ERBB4: variants seen among roughly 807,000 people sequenced by gnomAD.
ERBB4 encodes the protein receptor tyrosine-protein kinase erbB-4.
In ERBB4, 42 loss-of-function variants were observed where a neutral mutation model predicts 158.0. The observed-to-expected ratio is 0.27, with a 90% CI of 0.21 to 0.34. ERBB4 has a LOEUF of 0.34. Ranked by LOEUF, ERBB4 falls within the 10% of genes least tolerant of loss-of-function variation. The pLI is 1.00. For missense variants in ERBB4, 1,333 were observed against 1,624.1 expected (o/e 0.82, Z 3.08); for synonymous variants, 583 against 558.7 (o/e 1.04, Z -0.61).
At chr2:212,169,154 C>T (rs916475296) in intron 1 of ERBB4, among the ~76,000 whole-genome samples, 12 of 152,018 alleles carry the variant, frequency 7.9e-5, no homozygotes, top group African/African-American at 2.4e-4. Context: ...TGACCTAGGA[C>T]TTCCAATTTT....
intron 2 of ERBB4, among the ~76,000 whole-genome samples, chr2:212,089,693 G>A (rs886754185): frequency 9.2e-5 from 14 of 152,240 alleles, no homozygotes; most frequent in Admixed American, 7.2e-4. Context: ...AGAAGCAGGC[G>A]CTGGTGACAT....
At chr2:212,283,796 G>C (rs921919260) in intron 1 of ERBB4, among the ~76,000 whole-genome samples, 1 of 151,898 alleles carries the variant, frequency 6.6e-6, no homozygotes, top group Non-Finnish European at 1.5e-5. Context: ...TTACTATAGT[G>C]ACATACCACA....
chr2:212,134,168 C>T (rs1185310808), intron 1 of ERBB4, among the ~76,000 whole-genome samples: 1 of 151,458 alleles, frequency 6.6e-6, no homozygotes, highest in Non-Finnish European at 1.5e-5. Flanking sequence ...TGCAATTTAT[C>T]ATATGCTTTT....
chr2:212,526,095 A>G (rs1692432435), intron 1 of ERBB4, among the ~76,000 whole-genome samples: 1 of 152,020 alleles, frequency 6.6e-6, no homozygotes, highest in East Asian at 1.9e-4. Flanking sequence ...TATGTTACTT[A>G]TAGAAATTTA....
chr2:211,835,098 C>T (rs1243768022), intron 3 of ERBB4, among the ~76,000 whole-genome samples: 1 of 151,650 alleles, frequency 6.6e-6, no homozygotes, highest in Non-Finnish European at 1.5e-5. Context: ...CTTTTTTAAG[C>T]CCATTAAAGT....
chr2:212,151,743 G>C lies in ERBB4; in HGVS notation c.83-26840C>G, dbSNP rs932821844. ...GTCTCTACTAAAAATACAAAAACCA[G>C]CTGGGCATGGTGGCACATGCTGGTA... On this transcript the variant is annotated intron_variant, in intron 1 of 27. Transcript: ENST00000342788. Among the ~76,000 whole-genome samples the C allele has an allele frequency of 7.2e-5, 11 of 152,064 alleles. No individual in the cohort carries two copies. In the East Asian group the frequency reaches 2.1e-3, roughly 29 times the overall value.
chr2:212,518,411 C>A (rs1691959323), intron 1 of ERBB4, among the ~76,000 whole-genome samples: 1 of 151,936 alleles, frequency 6.6e-6, no homozygotes, highest in Non-Finnish European at 1.5e-5. Flanking sequence ...CTCAAAATTT[C>A]CCAAGACCCA....
At chr2:212,262,984 C>T (rs899006339) in intron 1 of ERBB4, among the ~76,000 whole-genome samples, 1 of 151,958 alleles carries the variant, frequency 6.6e-6, no homozygotes, top group Non-Finnish European at 1.5e-5. Flanking sequence ...GGAATAAGGT[C>T]AATTTGCAGA....
intron 1 of ERBB4, among the ~76,000 whole-genome samples, chr2:212,225,026 T>G (rs563527555): frequency 6.6e-6 from 1 of 152,200 alleles, no homozygotes; most frequent in South Asian, 2.1e-4. Flanking sequence ...TGAACCATTT[T>G]TTATTAAATT....
chr2:212,032,952 A>G (rs1217496870), intron 2 of ERBB4, among the ~76,000 whole-genome samples: 1 of 151,972 alleles, frequency 6.6e-6, no homozygotes, highest in Non-Finnish European at 1.5e-5. Flanking sequence ...CTGGACCAAA[A>G]AAACCCAAAA....
chr2:212,308,398 G>A (rs924311771), intron 1 of ERBB4, among the ~76,000 whole-genome samples: 2 of 150,924 alleles, frequency 1.3e-5, no homozygotes. Flanking sequence ...TGAGTCTGAG[G>A]AAACAATTTT....
chr2:211,504,149 G>A (rs1386551703), intron 20 of ERBB4, among the ~76,000 whole-genome samples: 2 of 152,034 alleles, frequency 1.3e-5, no homozygotes, highest in African/African-American at 4.8e-5. Flanking sequence ...TAGCCAGTAG[G>A]ATAAATTGCA....
At chr2:212,433,671 C>T (rs951274289) in intron 1 of ERBB4, among the ~76,000 whole-genome samples, 3 of 151,924 alleles carry the variant, frequency 2.0e-5, no homozygotes, top group Non-Finnish European at 4.4e-5. Flanking sequence ...AGAGCTATGA[C>T]TATATACACA....
intron 20 of ERBB4, among the ~76,000 whole-genome samples, chr2:211,553,933 T>C (rs1293415342): frequency 6.6e-6 from 1 of 152,224 alleles, no homozygotes; most frequent in Non-Finnish European, 1.5e-5. Flanking sequence ...AAGAAGTTCC[T>C]CCACAAATAT....
rs1443120257 is a variant in ERBB4 at position 211,383,975 on chromosome 2, G to T, written c.3567C>A (p.His1189Gln). The change falls in exon 28 of 28, where the codon CAC (histidine) becomes CAA (glutamine). Residue 1189 changes from histidine to glutamine, a missense_variant. This residue lies in a region of ERBB4 where 252 missense variants were observed against 241.3 expected (regional missense o/e 1.04). Transcript: ENST00000342788. ...CCTTGGGTGGACCATTGGATGCATT[G>T]TGATATTCGGGATTATCCAATGCTT... ...DLQALDNPEYHNASNGPPKAE... is the reference protein window; with the variant it reads ...DLQALDNPEYQNASNGPPKAE... 6 of 1,613,840 alleles carry T rather than the reference G, an allele frequency of 3.7e-6. No homozygotes were observed. The African/African-American group carries it at 8.0e-5, about 22-fold the overall frequency.
intron 3 of ERBB4, among the ~76,000 whole-genome samples, chr2:211,929,628 T>G (rs1470697904): frequency 6.6e-6 from 1 of 152,074 alleles, no homozygotes; most frequent in Non-Finnish European, 1.5e-5. Context: ...TTCCATACGG[T>G]TTTCTGTAAA....
At chr2:212,526,505 C>T (rs779748000) in intron 1 of ERBB4, among the ~76,000 whole-genome samples, 5 of 151,956 alleles carry the variant, frequency 3.3e-5, no homozygotes, top group Admixed American at 6.6e-5. Context: ...ATTCCGAATA[C>T]GTTTTTAAAG....
chr2:211,848,531 G>A (rs2077643514), intron 3 of ERBB4, among the ~76,000 whole-genome samples: 1 of 151,958 alleles, frequency 6.6e-6, no homozygotes, highest in Non-Finnish European at 1.5e-5. Flanking sequence ...TTTAGGAATT[G>A]GGAAGCAATA....
At position 211,673,182 on chromosome 2, in the gene ERBB4, G is replaced by C. The variant is rs1378183939; in HGVS notation, c.1698C>G (p.Leu566=). The C allele has an allele frequency of 3.1e-6, 5 of 1,612,814 alleles. No individual in the cohort carries two copies. The highest frequency in any genetic ancestry group is 2.2e-5 in the South Asian group (2 of 91,040). Residue 566 remains leucine, a synonymous_variant, in exon 14 of 28, where the codon CTC becomes CTG. Coordinates refer to ENST00000342788, the MANE Select transcript of ERBB4 (RefSeq NM_005235.3). ...DPQCEKMEDG[L]LTCHGPGPDN... ...GGCTTACCGGTCCATGGCATGTGAG[G>C]AGGCCATCTTCCATCTTCTCACACT... is the stretch of plus-strand genomic sequence containing the variant.
Sources: gnomAD v4.1 joint callset for allele counts (sites outside exome capture counted in the v4.1 genomes callset) on GRCh38, gnomAD v4.1.1 for gene constraint, gnomAD v4.1.1 regional missense constraint, MANE v1.5 for transcripts, NCBI Gene and HGNC (gene_info 2026-07-23, HGNC 2026-07-21) for gene names.